The following LRRC4B variants were observed in gnomAD, a reference collection of about 807,000 sequenced individuals.
LRRC4B encodes leucine-rich repeat-containing protein 4B.
A neutral mutation model predicts 7.3 loss-of-function variants in LRRC4B; 1 was observed. The ratio of observed to expected loss-of-function variants is 0.14; its 90% CI spans 0.05 to 0.65. The LOEUF (loss-of-function observed/expected upper bound fraction) is 0.65. Among genes scored for constraint, LRRC4B ranks in the 30% least tolerant of loss-of-function variants. The pLI is 0.84. For synonymous variants in LRRC4B, 500 were observed against 499.2 expected (o/e 1.00, Z -0.02); for missense variants, 730 against 1,041.6 (o/e 0.70, Z 4.12).
chr19:50,542,566 T>C (rs1046536063), intron 2 of LRRC4B, among the ~76,000 whole-genome samples: 4 of 142,510 alleles, frequency 2.8e-5, no homozygotes, highest in African/African-American at 1.1e-4. Context: ...AGACTCCACC[T>C]CCTGGGTTCA....
intron 2 of LRRC4B, among the ~76,000 whole-genome samples, chr19:50,523,480 C>A (rs1233931494): frequency 1.3e-5 from 2 of 149,592 alleles, no homozygotes; most frequent in Non-Finnish European, 3.0e-5. Context: ...GAGTTTGAGA[C>A]CAGCCTGGCC....
At chr19:50,552,683 T>C (rs112335022) in intron 1 of LRRC4B, among the ~76,000 whole-genome samples, 17,322 of 120,920 alleles carry the variant, frequency 0.14, 2,298 homozygotes, top group Non-Finnish European at 0.16. Flanking sequence ...CATCCATCCA[T>C]CCATCCGTCC....
chr19:50,517,779 C>T lies in LRRC4B; in HGVS notation c.1934G>A (p.Gly645Asp), dbSNP rs778903211. 1 of 1,525,698 alleles carries T rather than the reference C, an allele frequency of 6.6e-7. No individual in the cohort carries two copies. The highest frequency in any genetic ancestry group is 8.8e-7 in the Non-Finnish European group (1 of 1,142,262). 94.5% of individuals were successfully genotyped at this position (1,525,698 alleles called of 1,614,324 possible). ...GGGCAGGGCCAGGTGGCTGTCCCCG[C>T]CCACACCACCCCCACTGGCCACGGC... The part of the protein sequence containing the change: ...AAAVASGGGV[G>D]GDSHLALPAL... The change falls in exon 3 of 3, where the codon GGC becomes GAC. Residue 645 changes from glycine to aspartate, a missense_variant. Physicochemically the swap from Gly to Asp is moderately conservative, Grantham distance 94. Transcript: ENST00000652263. This position sits in a 1 kb window ranked among gnomAD's most constrained non-coding sequence, Gnocchi z 6.6.
rs1402917018 is a variant in LRRC4B, at chr19:50,563,289, A to AC, written c.-36+4654dup. Among the ~76,000 whole-genome samples the AC allele has an allele frequency of 6.6e-6, 1 of 151,460 alleles. No individual in the cohort carries two copies. Among genetic ancestry groups the AC allele is most frequent in the Non-Finnish European group, 1.5e-5 (1 of 67,888 alleles). ...CTGCCACTCTCCTTACTCTCCTGCC[A>AC]CCCCCTGTCTGGCGGAGCCAGCCCA... is the stretch of plus-strand genomic sequence containing the variant. On this transcript the variant is annotated intron_variant, in intron 1 of 2. Transcript: ENST00000652263. This position sits in a 1 kb window ranked among gnomAD's most constrained non-coding sequence, Gnocchi z 4.9.
chr19:50,562,780 T>A (rs1375698608), intron 1 of LRRC4B, among the ~76,000 whole-genome samples: 1 of 147,878 alleles, frequency 6.8e-6, no homozygotes, highest in East Asian at 2.0e-4. Context: ...GCTCTTGTCG[T>A]CTAGGCTGGA....
chr19:50,540,455 C>T (rs927707888), intron 2 of LRRC4B, among the ~76,000 whole-genome samples: 20 of 152,126 alleles, frequency 1.3e-4, no homozygotes, highest in Non-Finnish European at 2.2e-4. Flanking sequence ...CTCCGCCTCT[C>T]GGGTTCAAGT....
At chr19:50,552,482 C>T (rs995722380) in intron 1 of LRRC4B, among the ~76,000 whole-genome samples, 1 of 152,148 alleles carries the variant, frequency 6.6e-6, no homozygotes, top group Non-Finnish European at 1.5e-5. Flanking sequence ...CTGACATCCA[C>T]CTCCTGACAC....
In LRRC4B at chr19:50,556,623, T is replaced by C. The variant is rs1354724394; in HGVS notation, c.-35-7750A>G. Among the ~76,000 whole-genome samples the C allele has an allele frequency of 6.6e-6, 1 of 152,200 alleles. No individual in the cohort carries two copies. The highest frequency in any genetic ancestry group is 1.5e-5 in the Non-Finnish European group (1 of 68,034). ...CTCGGTGATTTGTTCCTGCGTTCAT[T>C]GCCTGCCTTCCTGCTAAGAGGGGAG... On this transcript the variant is annotated intron_variant, in intron 1 of 2. Coordinates refer to ENST00000652263, the MANE Select transcript of LRRC4B (RefSeq NM_001080457.2). The surrounding 1 kb of genome is among the most constrained non-coding windows in gnomAD (Gnocchi z 4.2).
rs1981357330 is a variant in LRRC4B, at chr19:50,537,880, C to A, written c.297+10662G>T. Among the ~76,000 whole-genome samples the A allele has an allele frequency of 6.6e-6, 1 of 152,068 alleles. No homozygotes were observed. Among genetic ancestry groups the A allele is most frequent in the Admixed American group, 6.6e-5 (1 of 15,250 alleles). Reference sequence around the variant, plus strand: ...GAGAGCCAGGGAGGCCGCAGTTAGACACGAAGTCTCAGCAGCCCGGGAACG... The same window carrying A: ...GAGAGCCAGGGAGGCCGCAGTTAGAAACGAAGTCTCAGCAGCCCGGGAACG... On this transcript the variant is annotated intron_variant, in intron 2 of 2. Coordinates refer to ENST00000652263, the MANE Select transcript of LRRC4B (RefSeq NM_001080457.2). The surrounding 1 kb of genome is among the most constrained non-coding windows in gnomAD (Gnocchi z 5.5).
chr19:50,525,306 T>TGTTATC (rs1053776128), intron 2 of LRRC4B, among the ~76,000 whole-genome samples: 1 of 152,124 alleles, frequency 6.6e-6, no homozygotes, highest in African/African-American at 2.4e-5. Flanking sequence ...TCATTCTCAT[T>TGTTATC]GTTATCGTTA....
Position 50,563,584 on chromosome 19 carries a change from C to T in LRRC4B, c.-36+4360G>A, listed in dbSNP as rs1186821380. 6.6e-6 allele frequency among the ~76,000 whole-genome samples: 1 copy of T among 152,178 alleles called. No individual in the cohort carries two copies. Among genetic ancestry groups the T allele is most frequent in the Admixed American group, 6.5e-5 (1 of 15,276 alleles). Reference sequence around the variant, plus strand: ...CGCATCCCAGGTCCTCTAAGGCAGCCCCTGCTCTCCACCTGCTCTGGGGCC... The same window carrying T: ...CGCATCCCAGGTCCTCTAAGGCAGCTCCTGCTCTCCACCTGCTCTGGGGCC... On this transcript the variant is annotated intron_variant, in intron 1 of 2. Transcript: ENST00000652263. This position sits in a 1 kb window ranked among gnomAD's most constrained non-coding sequence, Gnocchi z 4.9.
chr19:50,552,826 C>G (rs1982147910), intron 1 of LRRC4B, among the ~76,000 whole-genome samples: 1 of 152,206 alleles, frequency 6.6e-6, no homozygotes, highest in Non-Finnish European at 1.5e-5. Flanking sequence ...CAAATGTCTA[C>G]CCAGTCCCTG....
intron 1 of LRRC4B, among the ~76,000 whole-genome samples, chr19:50,562,186 G>A (rs1982489847): frequency 6.6e-6 from 1 of 151,966 alleles, no homozygotes; most frequent in African/African-American, 2.4e-5. Context: ...TCCTCTCTTG[G>A]CCTCAGTTTC....
chr19:50,549,254 G>GAGAC (rs137918742), intron 1 of LRRC4B, among the ~76,000 whole-genome samples: 1 of 152,312 alleles, frequency 6.6e-6, no homozygotes, highest in Admixed American at 6.5e-5. Flanking sequence ...TCAGAGGAGT[G>GAGAC]AGACAGACAG....
At position 50,553,637 on chromosome 19, in the gene LRRC4B, G is replaced by C. The variant is rs1982175369; in HGVS notation, c.-35-4764C>G. 6.6e-6 allele frequency among the ~76,000 whole-genome samples: 1 copy of C among 152,158 alleles called. No individual in the cohort carries two copies. The highest frequency in any genetic ancestry group is 1.5e-5 in the Non-Finnish European group (1 of 68,018). On this transcript the variant is annotated intron_variant, in intron 1 of 2. Coordinates refer to ENST00000652263, the MANE Select transcript of LRRC4B (RefSeq NM_001080457.2). The surrounding 1 kb of genome is among the most constrained non-coding windows in gnomAD (Gnocchi z 4.2). ...CCTATCCCTCTCCAGAACCTTCTCTGTTTCCTTTTTCTCCATGACATTTAT... is the reference window on the plus strand; with the variant it reads ...CCTATCCCTCTCCAGAACCTTCTCTCTTTCCTTTTTCTCCATGACATTTAT...
intron 2 of LRRC4B, among the ~76,000 whole-genome samples, chr19:50,540,437 A>G (rs73062475): frequency 0.095 from 14,485 of 152,156 alleles, 786 homozygotes; most frequent in Middle Eastern, 0.13. Flanking sequence ...ATCTCAGCAC[A>G]CTACAACCTC....
At chr19:50,552,033 C>A (rs558193096) in intron 1 of LRRC4B, among the ~76,000 whole-genome samples, 1 of 151,994 alleles carries the variant, frequency 6.6e-6, no homozygotes, top group African/African-American at 2.4e-5. Context: ...AGGAGGCAGC[C>A]GAGGAAGGTC....
At position 50,517,923 on chromosome 19, in the gene LRRC4B, TAGA is replaced by T; in HGVS notation, c.1787_1789del (p.Phe596del). 1.9e-6 allele frequency: 3 copies of T among 1,573,742 alleles called. No homozygotes were observed. The highest frequency in any genetic ancestry group is 2.6e-6 in the Non-Finnish European group (3 of 1,165,544). On this transcript the variant is annotated inframe_deletion, in exon 3 of 3. Transcript: ENST00000652263. This position sits in a 1 kb window ranked among gnomAD's most constrained non-coding sequence, Gnocchi z 6.6. ...GAGCTGGTGCTGCTTGCGCAGCTTG[TAGA>T]AGGCCACGAGCATCACCGCGGCCAT...
intron 2 of LRRC4B, among the ~76,000 whole-genome samples, chr19:50,535,775 T>C (rs561923559): frequency 1.1e-4 from 16 of 152,254 alleles, no homozygotes; most frequent in African/African-American, 3.6e-4. Flanking sequence ...CTCCCATTCA[T>C]CCTCCTGGGA....
Sources: gnomAD v4.1 joint callset for allele counts (sites outside exome capture counted in the v4.1 genomes callset) on GRCh38, gnomAD v4.1.1 for gene constraint, Gnocchi (gnomAD v3.1) non-coding constraint, MANE v1.5 for transcripts, NCBI Gene and HGNC (gene_info 2026-07-23, HGNC 2026-07-21) for gene names.